The following BBX variants were observed in gnomAD, a reference collection of about 807,000 sequenced individuals.
BBX encodes the protein BBX high mobility group box domain containing.
BBX carries 30 observed loss-of-function variants against 100.2 expected under a neutral mutation model. The ratio of observed to expected loss-of-function variants is 0.30; its 90% confidence interval spans 0.22 to 0.41. The LOEUF is 0.41. Ranked by LOEUF, BBX falls within the 10% of genes least tolerant of loss-of-function variation. BBX has a pLI of 1.00. For synonymous variants in BBX, 376 were observed against 388.1 expected (o/e 0.97, Z 0.37); for missense variants, 1,023 against 1,129.8 (o/e 0.91, Z 1.35).
At chr3:107,697,863 C>G (rs969121913) in intron 3 of BBX, among the ~76,000 whole-genome samples, 10 of 151,756 alleles carry the variant, frequency 6.6e-5, no homozygotes, top group African/African-American at 1.7e-4. Flanking sequence ...CGTGGGCGTA[C>G]GACCCTCCGA....
intron 2 of BBX, among the ~76,000 whole-genome samples, chr3:107,553,677 A>C (rs927170676): frequency 1.3e-5 from 2 of 152,214 alleles, no homozygotes; most frequent in Non-Finnish European, 2.9e-5. Flanking sequence ...TTCACTAAAG[A>C]GGAAGGGTAG....
chr3:107,670,029 A>G (rs1272748318), intron 3 of BBX, among the ~76,000 whole-genome samples: 2 of 152,152 alleles, frequency 1.3e-5, no homozygotes, highest in African/African-American at 4.8e-5. Flanking sequence ...ACATATTTTT[A>G]TATATATTCT....
At chr3:107,580,379 A>T (rs2052181160) in intron 2 of BBX, among the ~76,000 whole-genome samples, 1 of 152,144 alleles carries the variant, frequency 6.6e-6, no homozygotes. Flanking sequence ...AATTATTTTC[A>T]CTATCCTCCA....
chr3:107,600,614 A>G (rs1278405192), intron 2 of BBX, among the ~76,000 whole-genome samples: 2 of 152,252 alleles, frequency 1.3e-5, no homozygotes, highest in Non-Finnish European at 2.9e-5. Flanking sequence ...TGAATAGAAT[A>G]CACTGGCTGT....
rs1035240905 is a variant in BBX, at chr3:107,700,662, C to T, written c.-9-9790C>T. On this transcript the variant is annotated intron_variant, in intron 3 of 17. Transcript: ENST00000325805. ...GTCCATGTGTTCTCATTGTTCAATT[C>T]CCACCTATGAGTGAGAACATGCGGT... Among the ~76,000 whole-genome samples, 30 of 139,724 alleles carry T rather than the reference C, an allele frequency of 2.1e-4. 1 individual carries two copies. Among genetic ancestry groups the T allele is most frequent in the Admixed American group, 1.9e-3 (24 of 12,826 alleles). The allele number at this position is 139,724 out of a possible 152,430, so 91.7% of individuals were successfully genotyped here.
chr3:107,748,525 G>A (rs1419252807), intron 9 of BBX, among the ~76,000 whole-genome samples: 1 of 152,094 alleles, frequency 6.6e-6, no homozygotes, highest in Admixed American at 6.6e-5. Context: ...TTAATCCCAG[G>A]CTCAGATCAG....
rs532514574 is a variant in BBX, at chr3:107,647,401, G to C, written c.-10+1492G>C. 4.6e-5 allele frequency among the ~76,000 whole-genome samples: 7 copies of C among 152,254 alleles called. No individual in the cohort carries two copies. In the East Asian group the frequency reaches 1.4e-3, roughly 29 times the overall value. On this transcript the variant is annotated intron_variant, in intron 3 of 17. Coordinates refer to ENST00000325805, the MANE Select transcript of BBX (RefSeq NM_001142568.3). ...TTACCATGGCAGACTTCACTAAGTA[G>C]CCATCTGAGCAATGATTTCTGAATG... is the stretch of plus-strand genomic sequence containing the variant.
chr3:107,558,415 G>C (rs2050237464), intron 2 of BBX, among the ~76,000 whole-genome samples: 1 of 152,170 alleles, frequency 6.6e-6, no homozygotes. Flanking sequence ...TTGTGCCTGG[G>C]AGGTGGAGGT....
intron 2 of BBX, among the ~76,000 whole-genome samples, chr3:107,583,945 T>A (rs1273666111): frequency 8.3e-5 from 7 of 84,154 alleles, no homozygotes; most frequent in African/African-American, 3.9e-4. Flanking sequence ...ATATTATATA[T>A]ATTATTATAT....
intron 3 of BBX, among the ~76,000 whole-genome samples, chr3:107,686,238 A>T (rs1049618717): frequency 6.6e-6 from 1 of 152,176 alleles, no homozygotes; most frequent in Non-Finnish European, 1.5e-5. Context: ...ACTTTTACAG[A>T]TCATTAAATT....
At chr3:107,729,608 T>C (rs190614164) in intron 6 of BBX, among the ~76,000 whole-genome samples, 1 of 152,292 alleles carries the variant, frequency 6.6e-6, no homozygotes, top group East Asian at 1.9e-4. Context: ...ACCCTACAAG[T>C]GGGCTCTGTC....
In BBX at chr3:107,639,241, G is replaced by A. The variant is rs529933372; in HGVS notation, c.-83-6595G>A. 7.2e-5 allele frequency among the ~76,000 whole-genome samples: 11 copies of A among 152,216 alleles called. No individual in the cohort carries two copies. In the South Asian group the frequency reaches 2.3e-3, roughly 32 times the overall value. ...TGCCAAATTATTGCTGACGTGAAAG[G>A]AGCCCAGGGAACACTCTTGCCTCAA... On this transcript the variant is annotated intron_variant, in intron 2 of 17. Transcript: ENST00000325805.
chr3:107,583,811 G>A (rs1476185958), intron 2 of BBX, among the ~76,000 whole-genome samples: 1 of 130,558 alleles, frequency 7.7e-6, no homozygotes, highest in Non-Finnish European at 1.6e-5. Flanking sequence ...ATAGTCCTCA[G>A]TTTTAATTTC....
intron 4 of BBX, among the ~76,000 whole-genome samples, chr3:107,710,922 T>C (rs1453790021): frequency 2.6e-5 from 4 of 152,232 alleles, no homozygotes; most frequent in Non-Finnish European, 5.9e-5. Context: ...CTTGATGTGC[T>C]CATCTGACGT....
chr3:107,760,899 T>C (rs2065846019), intron 10 of BBX, among the ~76,000 whole-genome samples: 1 of 152,208 alleles, frequency 6.6e-6, no homozygotes, highest in Admixed American at 6.5e-5. Flanking sequence ...TAAATATAGA[T>C]TTCTGACTTC....
intron 5 of BBX, among the ~76,000 whole-genome samples, chr3:107,719,251 A>T (rs889131289): frequency 6.6e-6 from 1 of 152,006 alleles, no homozygotes; most frequent in African/African-American, 2.4e-5. Flanking sequence ...GACGTTGTCC[A>T]TTAGGGTGCA....
chr3:107,781,141 G>A (rs1447659414), intron 13 of BBX, among the ~76,000 whole-genome samples: 4 of 151,856 alleles, frequency 2.6e-5, no homozygotes, highest in African/African-American at 9.7e-5. Context: ...CATTTATATA[G>A]TTGTATATCT....
intron 2 of BBX, among the ~76,000 whole-genome samples, chr3:107,554,386 A>C (rs539807992): frequency 8.5e-5 from 13 of 152,180 alleles, no homozygotes; most frequent in Non-Finnish European, 1.2e-4. Flanking sequence ...AAATAGACTG[A>C]TGTCATTTCA....
intron 2 of BBX, among the ~76,000 whole-genome samples, chr3:107,601,645 T>C (rs1414393581): frequency 6.6e-6 from 1 of 152,214 alleles, no homozygotes; most frequent in Non-Finnish European, 1.5e-5. Context: ...GAAGAAAAGT[T>C]TGAAGCTAAC....
Sources: gnomAD v4.1 joint callset for allele counts (sites outside exome capture counted in the v4.1 genomes callset) on GRCh38, gnomAD v4.1.1 for gene constraint, MANE v1.5 for transcripts, NCBI Gene and HGNC (gene_info 2026-07-23, HGNC 2026-07-21) for gene names.